The following NTSR1 variants were observed in gnomAD, a reference collection of about 807,000 sequenced individuals.
NTSR1 encodes the protein neurotensin receptor 1, also known as neurotensin receptor type 1.
A neutral mutation model predicts 31.2 loss-of-function variants in NTSR1; 29 were observed. The ratio of observed to expected loss-of-function variants is 0.93; its 90% CI spans 0.69 to 1.27. The LOEUF is 1.27. Among genes scored for constraint, NTSR1 ranks in the 50% most tolerant of loss-of-function variants. NTSR1 has a pLI of 0.00. For synonymous variants in NTSR1, 282 were observed against 269.9 expected (o/e 1.04, Z -0.44); for missense variants, 697 against 595.4 (o/e 1.17, Z -1.78).
rs1467734349 is a variant in NTSR1, at chr20:62,743,553, A to G, written c.715-11132A>G. On this transcript the variant is annotated intron_variant, in intron 1 of 3. Transcript: ENST00000370501. The surrounding 1 kb of genome is among the most constrained non-coding windows in gnomAD (Gnocchi z 7.5). ...GATCCCCTGCCAGCCCAGCAAGGCC[A>G]CCCCAGCGGTCACCCCCTTGGGAGG... 1.3e-5 allele frequency among the ~76,000 whole-genome samples: 2 copies of G among 152,048 alleles called. No individual in the cohort carries two copies. Among genetic ancestry groups the G allele is most frequent in the African/African-American group, 2.4e-5 (1 of 41,406 alleles).
rs556374779 is a variant in NTSR1, at chr20:62,713,499, A to T, written c.714+3578A>T. 2.0e-5 allele frequency among the ~76,000 whole-genome samples: 3 copies of T among 152,300 alleles called. No individual in the cohort carries two copies. In the East Asian group the frequency reaches 5.8e-4, roughly 29 times the overall value. Reference sequence around the variant, plus strand: ...CAGGGAAGGAGACAGGTTCCAGTGAAATCTGGCCATGGATTATTTCAGGGC... The same window carrying T: ...CAGGGAAGGAGACAGGTTCCAGTGATATCTGGCCATGGATTATTTCAGGGC... On this transcript the variant is annotated intron_variant, in intron 1 of 3. Transcript: ENST00000370501.
intron 1 of NTSR1, among the ~76,000 whole-genome samples, chr20:62,750,178 T>G (rs934238587): frequency 2.6e-5 from 4 of 152,186 alleles, no homozygotes; most frequent in African/African-American, 9.7e-5. Flanking sequence ...GGCATTATGC[T>G]AAGTGAAATA....
At position 62,711,560 on chromosome 20, in the gene NTSR1, C is replaced by G. The variant is rs1988614301; in HGVS notation, c.714+1639C>G. On this transcript the variant is annotated intron_variant, in intron 1 of 3. Transcript: ENST00000370501. This position sits in a 1 kb window ranked among gnomAD's most constrained non-coding sequence, Gnocchi z 6.4. ...CACTCAGACCCCGGATCCCCCCACT[C>G]AGACCCCCGATCCCCCCGCTCAGAT... 7.2e-6 allele frequency among the ~76,000 whole-genome samples: 1 copy of G among 138,674 alleles called. No individual in the cohort carries two copies. Among genetic ancestry groups the G allele is most frequent in the Non-Finnish European group, 1.6e-5 (1 of 63,662 alleles). 91.0% of individuals were successfully genotyped at this position (138,674 alleles called of 152,430 possible). A position where few individuals can be genotyped will look rare whatever the true frequency, so the allele number is the denominator to read the frequency against.
At chr20:62,755,055 T>C (rs1294282733) in intron 2 of NTSR1, among the ~76,000 whole-genome samples, 169 bp downstream of exon 2, 1 of 151,558 alleles carries the variant, frequency 6.6e-6, no homozygotes, top group Non-Finnish European at 1.5e-5. Context: ...CATTCTGCAC[T>C]CCATCCCTCC....
chr20:62,760,171 G>A lies in NTSR1; in HGVS notation c.1161G>A (p.Arg387=), dbSNP rs1332555828. 7 of 1,614,102 alleles carry A rather than the reference G, an allele frequency of 4.3e-6. No individual in the cohort carries two copies. The highest frequency in any genetic ancestry group is 5.9e-6 in the Non-Finnish European group (7 of 1,180,024). ...TGGCCTGCCTCTGCCCGGTGTGGCG[G>A]CGCAGGAGGAAGAGGCCAGCCTTCT... ...ATLACLCPVW[R]RRRKRPAFSR... The change falls in exon 4 of 4, where the codon CGG becomes CGA. Residue 387 remains arginine (R), a synonymous_variant. Transcript: ENST00000370501.
rs1463805373 is a variant in NTSR1, at chr20:62,709,474, G to A, written c.267G>A (p.Ala89=). 1 of 1,612,632 alleles carries A rather than the reference G, an allele frequency of 6.2e-7. No individual in the cohort carries two copies. Residue 89 remains alanine, a synonymous_variant, in exon 1 of 4, where the codon GCG becomes GCA. Transcript: ENST00000370501. The stretch of plus-strand genomic sequence containing the variant: ...ACACGGTGACGGCGTTCACGCTGGC[G>A]CGGAAGAAGTCGCTGCAGAGCCTGC... ...VGNTVTAFTL[A]RKKSLQSLQS... is the part of the protein sequence containing the mutation.
intron 1 of NTSR1, among the ~76,000 whole-genome samples, chr20:62,712,953 C>T (rs112553977): frequency 1.1e-4 from 16 of 152,226 alleles, no homozygotes; most frequent in East Asian, 1.9e-4. Flanking sequence ...GTATACTGAA[C>T]GTGTGCACAC....
intron 2 of NTSR1, among the ~76,000 whole-genome samples, chr20:62,757,966 G>C: frequency 6.6e-6 from 1 of 150,734 alleles, no homozygotes; most frequent in Non-Finnish European, 1.5e-5. Context: ...CTGAGCCCAC[G>C]CCTCTGTGCC....
chr20:62,760,664 G>C lies in NTSR1; in HGVS notation c.*397G>C, dbSNP rs568864452. 2.0e-4 allele frequency: 36 copies of C among 179,544 alleles called. No individual in the cohort carries two copies. In the South Asian group the frequency reaches 4.7e-3, roughly 23 times the overall value. The allele number at this position is 179,544 out of a possible 1,614,324, so 11.1% of individuals were successfully genotyped here. A position where few individuals can be genotyped will look rare whatever the true frequency, so the allele number is the denominator to read the frequency against. On this transcript the variant is annotated 3_prime_UTR_variant, in exon 4 of 4. Transcript: ENST00000370501. ...CCGGGCCTCCGGCGGCCCGGCTGCT[G>C]TTCCCATGTCCACATCTCTGAGGCC...
chr20:62,736,865 G>A (rs1482453188), intron 1 of NTSR1, among the ~76,000 whole-genome samples: 2 of 152,206 alleles, frequency 1.3e-5, no homozygotes, highest in Non-Finnish European at 1.5e-5. Context: ...TCGTGGGGGC[G>A]GTTCCCCCAG....
rs1600740684 is a variant in NTSR1 at position 62,760,521 on chromosome 20, T to G, written c.*254T>G. The G allele has an allele frequency of 4.1e-5, 17 of 411,370 alleles. No homozygotes were observed. The highest frequency in any genetic ancestry group is 1.2e-4 in the Admixed American group (3 of 25,626). The allele number at this position is 411,370 out of a possible 1,614,324, so 25.5% of individuals were successfully genotyped here. On this transcript the variant is annotated 3_prime_UTR_variant, in exon 4 of 4. Coordinates refer to ENST00000370501, the MANE Select transcript of NTSR1 (RefSeq NM_002531.3). ...AAGCCAGAACAAGAGAGCGCTCCTC[T>G]CCCAGATAGGAAAAGGGCCTCTAAC...
At position 62,760,073 on chromosome 20, in the gene NTSR1, G is replaced by A. The variant is rs138269831; in HGVS notation, c.1063G>A (p.Val355Ile). 1.2e-5 allele frequency: 19 copies of A among 1,613,930 alleles called. No homozygotes were observed. The African/African-American group carries it at 1.5e-4, about 12-fold the overall frequency. The change falls in exon 4 of 4, where the codon GTC (valine) becomes ATC (isoleucine). Residue 355 changes from valine (V) to isoleucine (I), a missense_variant. By Grantham distance (29) the Val-to-Ile change is conservative (BLOSUM62 3). Transcript: ENST00000370501. ...CATGGTGACCAACGCACTCTTCTAC[G>A]TCAGCTCCACCATCAACCCCATCCT... ...FYMVTNALFY[V>I]SSTINPILYN...
chr20:62,709,002 C>T lies in NTSR1; in HGVS notation c.-206C>T, dbSNP rs887960107. ...GAGCTAGGAGCCGGAAGCTGGGAGT[C>T]CGGAGGAGAGCGGAGCCCGGAGCCC... On this transcript the variant is annotated 5_prime_UTR_variant, in exon 1 of 4. Coordinates refer to ENST00000370501, the MANE Select transcript of NTSR1 (RefSeq NM_002531.3). 4.8e-5 allele frequency: 22 copies of T among 454,974 alleles called. No individual in the cohort carries two copies. The highest frequency in any genetic ancestry group is 8.4e-5 in the Non-Finnish European group (22 of 263,242). 28.2% of individuals were successfully genotyped at this position (454,974 alleles called of 1,614,324 possible).
intron 1 of NTSR1, among the ~76,000 whole-genome samples, chr20:62,725,471 C>A (rs1423302951): frequency 1.3e-5 from 2 of 152,212 alleles, no homozygotes; most frequent in African/African-American, 4.8e-5. Context: ...CTCCCCCCCG[C>A]TGCCTTCCGG....
At position 62,733,425 on chromosome 20, in the gene NTSR1, A is replaced by C. The variant is rs1600725973; in HGVS notation, c.715-21260A>C. 6.6e-6 allele frequency among the ~76,000 whole-genome samples: 1 copy of C among 152,188 alleles called. No homozygotes were observed. The highest frequency in any genetic ancestry group is 6.5e-5 in the Admixed American group (1 of 15,288). On this transcript the variant is annotated intron_variant, in intron 1 of 3. Coordinates refer to ENST00000370501, the MANE Select transcript of NTSR1 (RefSeq NM_002531.3). This position sits in a 1 kb window ranked among gnomAD's most constrained non-coding sequence, Gnocchi z 5.2. ...CGGGACAGTTGTGTTTCCCTTGGGC[A>C]GGGAGCCACTGGCAGCTCCCCAGTG...
chr20:62,738,079 C>CCTTTCCCTTCAGTGCCCA (rs1555811684), intron 1 of NTSR1, among the ~76,000 whole-genome samples: 1 of 152,072 alleles, frequency 6.6e-6, no homozygotes, highest in African/African-American at 2.4e-5. Flanking sequence ...CCTCCCCCTC[C>CCTTTCCCTTCAGTGCCCA]TCTGCCTATG....
intron 1 of NTSR1, among the ~76,000 whole-genome samples, chr20:62,740,207 G>A (rs1004653106): frequency 2.0e-5 from 3 of 152,244 alleles, no homozygotes; most frequent in Admixed American, 6.5e-5. Context: ...TCACGTTAGT[G>A]CCCTGCGTTT....
In NTSR1 at chr20:62,754,746, T is replaced by C. The variant is rs1342185356; in HGVS notation, c.776T>C (p.Ile259Thr). 1.2e-6 allele frequency: 2 copies of C among 1,612,848 alleles called. No individual in the cohort carries two copies. Among genetic ancestry groups the C allele is most frequent in the Non-Finnish European group, 8.5e-7 (1 of 1,179,774 alleles). Residue 259 changes from isoleucine to threonine, a missense_variant, in exon 2 of 4, where the codon ATC becomes ACC. Ile to Thr is a moderately conservative substitution (Grantham distance 89). Transcript: ENST00000370501. ...GTCATCTCGGTCCTGAACACCATCA[T>C]CGCCAACAAGCTGACCGTCATGGTA... The part of the protein sequence containing the change: ...MVVISVLNTI[I>T]ANKLTVMVRQ...
chr20:62,737,693 C>T (rs1422325425), intron 1 of NTSR1, among the ~76,000 whole-genome samples: 2 of 152,094 alleles, frequency 1.3e-5, no homozygotes, highest in African/African-American at 4.8e-5. Flanking sequence ...CCAGGTCCAG[C>T]CCCGGATGCA....
Sources: allele counts gnomAD v4.1 joint callset (sites outside exome capture counted in the v4.1 genomes callset), GRCh38; gene constraint gnomAD v4.1.1; non-coding constraint Gnocchi (gnomAD v3.1); transcripts MANE v1.5; gene names NCBI Gene and HGNC (gene_info 2026-07-23, HGNC 2026-07-21).